The following PTPRK variants were observed in gnomAD, a reference collection of about 807,000 sequenced individuals.
The protein encoded by PTPRK is receptor-type tyrosine-protein phosphatase kappa.
PTPRK carries 75 observed loss-of-function variants against 178.0 expected under a neutral mutation model. That is an observed-to-expected ratio of 0.42 (90% CI 0.35 to 0.51). The LOEUF (loss-of-function observed/expected upper bound fraction) is 0.51. PTPRK is among the 20% of genes least tolerant of loss of function. The pLI, the probability that PTPRK is intolerant of heterozygous loss-of-function variation, is 0.02. For synonymous variants in PTPRK, 637 were observed against 620.6 expected, an observed-to-expected ratio of 1.03 and a Z score of -0.39; for missense variants, 1,441 against 1,797.8, an observed-to-expected ratio of 0.80 and a Z score of 3.59.
chr6:128,300,493 C>T lies in PTPRK; in HGVS notation c.495+21546G>A, dbSNP rs576247249. Among the ~76,000 whole-genome samples, 464 of 151,966 alleles carry T rather than the reference C, an allele frequency of 3.1e-3. 1 individual carries two copies. Among genetic ancestry groups the T allele is most frequent in the African/African-American group, 0.011 (441 of 41,314 alleles). ...AACCCAAATGTCCAACAATGATAGA[C>T]TGGATTAAGAAAATGTGGCACATAT... is the stretch of plus-strand genomic sequence containing the variant. On this transcript the variant is annotated intron_variant, in intron 3 of 29. Coordinates refer to ENST00000368226, the MANE Select transcript of PTPRK (RefSeq NM_002844.4).
chr6:128,285,974 T>G (rs1040343125), intron 3 of PTPRK, among the ~76,000 whole-genome samples: 1 of 152,074 alleles, frequency 6.6e-6, no homozygotes, highest in Non-Finnish European at 1.5e-5. Context: ...CCACGAGCCC[T>G]CTGGAAGATC....
At chr6:128,494,863 A>G (rs896026867) in intron 1 of PTPRK, among the ~76,000 whole-genome samples, 2 of 152,208 alleles carry the variant, frequency 1.3e-5, no homozygotes, top group Non-Finnish European at 2.9e-5. Context: ...CTGAAAGTAT[A>G]GGGGAGAAAG....
intron 3 of PTPRK, among the ~76,000 whole-genome samples, chr6:128,316,304 A>T (rs552308210): frequency 3.9e-5 from 6 of 152,204 alleles, no homozygotes; most frequent in Non-Finnish European, 5.9e-5. Flanking sequence ...CCCCTTAGAT[A>T]AAACAAACTC....
intron 10 of PTPRK, among the ~76,000 whole-genome samples, chr6:128,079,401 A>T (rs976199394): frequency 3.3e-5 from 5 of 152,074 alleles, no homozygotes; most frequent in African/African-American, 1.2e-4. Context: ...TGTGTTTTTC[A>T]CAACTCTGGT....
At chr6:128,235,735 C>A in intron 5 of PTPRK, 1 of 350,228 alleles carries the variant, frequency 2.9e-6, no homozygotes, top group Non-Finnish European at 6.1e-6. Context: ...GACATCCCAA[C>A]CATCAAAATC....
At chr6:128,460,482 C>A (rs118098196) in intron 1 of PTPRK, among the ~76,000 whole-genome samples, 2,514 of 151,972 alleles carry the variant, frequency 0.017, 30 homozygotes, top group Non-Finnish European at 0.027. Flanking sequence ...GTTGAGGCTG[C>A]AGTGAGCAGC....
chr6:127,985,672 T>TA, intron 22 of PTPRK, 49 bp downstream of exon 22: 16 of 1,515,970 alleles, frequency 1.1e-5, no homozygotes, highest in Non-Finnish European at 1.3e-5. Flanking sequence ...CTTGATACTC[T>TA]AAAAAAAGCT....
intron 2 of PTPRK, among the ~76,000 whole-genome samples, chr6:128,396,764 C>G (rs1840359291): frequency 6.6e-6 from 1 of 152,130 alleles, no homozygotes; most frequent in Non-Finnish European, 1.5e-5. Context: ...GTTTGGGAGG[C>G]CGAGGCGGGC....
chr6:128,497,773 A>C (rs1470527577), intron 1 of PTPRK, among the ~76,000 whole-genome samples: 4 of 145,516 alleles, frequency 2.7e-5, no homozygotes, highest in Admixed American at 2.7e-4. Flanking sequence ...ACCTATCAAA[A>C]AGGTTGTTTT....
At chr6:128,512,144 A>T (rs1463785774) in intron 1 of PTPRK, among the ~76,000 whole-genome samples, 1 of 152,202 alleles carries the variant, frequency 6.6e-6, no homozygotes, top group African/African-American at 2.4e-5. Flanking sequence ...GAGTCTCTCC[A>T]CCACTACTTC....
chr6:128,021,114 AT>A (rs1164961938), intron 13 of PTPRK, among the ~76,000 whole-genome samples: 2 of 152,192 alleles, frequency 1.3e-5, no homozygotes, highest in Non-Finnish European at 2.9e-5. Context: ...ATCCTAAAAT[AT>A]TTTTTGGCCT....
chr6:128,339,820 A>G (rs1194827693), intron 2 of PTPRK, among the ~76,000 whole-genome samples: 3 of 152,204 alleles, frequency 2.0e-5, no homozygotes, highest in Non-Finnish European at 4.4e-5. Flanking sequence ...TTAGACTTAG[A>G]AAAGGTCCCA....
intron 7 of PTPRK, among the ~76,000 whole-genome samples, chr6:128,152,798 C>A (rs573628977): frequency 6.6e-6 from 1 of 151,844 alleles, no homozygotes; most frequent in Admixed American, 6.6e-5. Context: ...GTGGACAGAT[C>A]GTGACAGAGA....
At chr6:128,178,460 C>G (rs1583347089) in intron 7 of PTPRK, among the ~76,000 whole-genome samples, 1 of 145,238 alleles carries the variant, frequency 6.9e-6, no homozygotes, top group Non-Finnish European at 1.5e-5. Context: ...CCATTTTTTT[C>G]ATGTGTATTA....
chr6:128,166,047 T>C (rs958240194), intron 7 of PTPRK, among the ~76,000 whole-genome samples: 2 of 151,648 alleles, frequency 1.3e-5, no homozygotes, highest in Admixed American at 1.3e-4. Flanking sequence ...CAGTACGTCT[T>C]CCCCTTGGCT....
intron 1 of PTPRK, among the ~76,000 whole-genome samples, chr6:128,458,442 A>G (rs1848650199): frequency 6.6e-6 from 1 of 152,208 alleles, no homozygotes. Context: ...TCTACACTAA[A>G]AAATTTAAAA....
intron 2 of PTPRK, among the ~76,000 whole-genome samples, chr6:128,323,206 A>G (rs1027107782): frequency 6.6e-6 from 1 of 152,128 alleles, no homozygotes. Context: ...CAAAGGCCAC[A>G]CAGAGACTAA....
intron 3 of PTPRK, among the ~76,000 whole-genome samples, chr6:128,286,803 G>C (rs1221486685): frequency 6.6e-6 from 1 of 152,128 alleles, no homozygotes; most frequent in Admixed American, 6.5e-5. Context: ...TTAATTTAAA[G>C]CTTTGTTAGT....
intron 13 of PTPRK, among the ~76,000 whole-genome samples, chr6:128,034,929 T>C (rs935715551): frequency 6.6e-6 from 1 of 152,196 alleles, no homozygotes; most frequent in African/African-American, 2.4e-5. Flanking sequence ...GAAAACATAT[T>C]ACCAAGGAGA....
Sources: gnomAD v4.1 joint callset for allele counts (sites outside exome capture counted in the v4.1 genomes callset) on GRCh38, gnomAD v4.1.1 for gene constraint, MANE v1.5 for transcripts, NCBI Gene and HGNC (gene_info 2026-07-23, HGNC 2026-07-21) for gene names.